Variants in KLHDC10 observed in about 807,000 individuals in gnomAD.
KLHDC10 encodes the protein kelch domain containing 10.
KLHDC10 carries 24 observed loss-of-function variants against 56.1 expected under a neutral mutation model. That is an observed-to-expected ratio of 0.43 (90% CI 0.31 to 0.60). KLHDC10 has a LOEUF of 0.60. Among genes scored for constraint, KLHDC10 ranks in the 20% least tolerant of loss-of-function variants. The pLI is 0.11. For missense variants in KLHDC10, 349 were observed against 567.0 expected (o/e 0.62, Z 3.91); for synonymous variants, 188 against 207.1 (o/e 0.91, Z 0.79).
chr7:130,079,721 TCCTG>T (rs757614715), intron 1 of KLHDC10, among the ~76,000 whole-genome samples: 49 of 92,896 alleles, frequency 5.3e-4, no homozygotes, highest in Non-Finnish European at 9.4e-4. Flanking sequence ...CTGCCTGCCT[TCCTG>T]CCTTCCTTCC....
At chr7:130,123,663 A>C (rs1584639428) in intron 5 of KLHDC10, among the ~76,000 whole-genome samples, 3 of 152,336 alleles carry the variant, frequency 2.0e-5, no homozygotes, top group Admixed American at 2.0e-4. Context: ...GTAGACTGTT[A>C]GTGGACTGAT....
At chr7:130,079,929 G>A (rs1165631617) in intron 1 of KLHDC10, among the ~76,000 whole-genome samples, 2 of 49,178 alleles carry the variant, frequency 4.1e-5, no homozygotes, top group African/African-American at 2.3e-4. Flanking sequence ...TCCCTTTCTC[G>A]CTTCCTCCTT....
chr7:130,103,716 G>T (rs923615839), intron 2 of KLHDC10, among the ~76,000 whole-genome samples: 1 of 152,138 alleles, frequency 6.6e-6, no homozygotes, highest in East Asian at 1.9e-4. Flanking sequence ...ATGTTTAAGT[G>T]GGGGGGTCAA....
chr7:130,087,853 C>T (rs1004474963), intron 1 of KLHDC10, among the ~76,000 whole-genome samples: 17 of 151,526 alleles, frequency 1.1e-4, no homozygotes, highest in South Asian at 1.0e-3. Context: ...CTCCACCTCC[C>T]GGGTTCAAGC....
At chr7:130,124,678 C>CT (rs1796291836) in intron 6 of KLHDC10, 143 bp downstream of exon 6, 1 of 556,554 alleles carries the variant, frequency 1.8e-6, no homozygotes. Flanking sequence ...GTTGGATGCA[C>CT]TTTATAAGGT....
intron 2 of KLHDC10, among the ~76,000 whole-genome samples, chr7:130,109,482 A>C (rs961133027): frequency 1.3e-5 from 2 of 152,106 alleles, no homozygotes; most frequent in African/African-American, 2.4e-5. Context: ...TGAAAAACAG[A>C]CATTCTCTTC....
intron 1 of KLHDC10, among the ~76,000 whole-genome samples, chr7:130,071,869 AATT>A (rs1271625416): frequency 5.3e-5 from 8 of 152,200 alleles, no homozygotes; most frequent in African/African-American, 7.2e-5. Context: ...TCTAGTCAAA[AATT>A]ATTATTTGAT....
At chr7:130,088,387 G>C (rs1489647287) in intron 1 of KLHDC10, among the ~76,000 whole-genome samples, 1 of 151,484 alleles carries the variant, frequency 6.6e-6, no homozygotes, top group Admixed American at 6.6e-5. Context: ...CAATTCTCCT[G>C]CCTCAGCCTC....
chr7:130,071,903 G>C (rs1372052117), intron 1 of KLHDC10, among the ~76,000 whole-genome samples: 1 of 152,116 alleles, frequency 6.6e-6, no homozygotes, highest in Admixed American at 6.6e-5. Flanking sequence ...ATGACAAAGG[G>C]AATTTAGCAC....
At chr7:130,113,555 A>C (rs1385677019) in intron 2 of KLHDC10, among the ~76,000 whole-genome samples, 2 of 152,068 alleles carry the variant, frequency 1.3e-5, no homozygotes, top group Admixed American at 6.6e-5. Flanking sequence ...CTGGTCTCAA[A>C]ATCCTGACCT....
At chr7:130,095,025 T>C (rs1402897863) in intron 1 of KLHDC10, 1 of 152,104 alleles carries the variant, frequency 6.6e-6, no homozygotes, top group Non-Finnish European at 1.5e-5. Flanking sequence ...TTGTTTTGTG[T>C]GTCTGTCTTG....
Position 130,110,729 on chromosome 7 carries a change from A to G in KLHDC10, c.254-5716A>G, listed in dbSNP as rs79775010. On this transcript the variant is annotated intron_variant, in intron 2 of 9. Transcript: ENST00000335420. ...CATTTGGAAAGAAGTAACCAGTTAA[A>G]TTGATTAATCATTTAGGCTGTTCGA... Among the ~76,000 whole-genome samples, 5 of 152,334 alleles carry G rather than the reference A, an allele frequency of 3.3e-5. No homozygotes were observed. The East Asian group carries it at 9.6e-4, about 29-fold the overall frequency.
chr7:130,124,567 G>A, intron 6 of KLHDC10, 32 bp downstream of exon 6: 2 of 1,147,980 alleles, frequency 1.7e-6, no homozygotes, highest in South Asian at 1.3e-5. Context: ...AAAAGGGAGA[G>A]GGAGAAGGAT....
intron 2 of KLHDC10, among the ~76,000 whole-genome samples, chr7:130,107,843 C>A (rs75124949): frequency 2.9e-3 from 76 of 26,016 alleles, no homozygotes; most frequent in East Asian, 0.02. Flanking sequence ...GACTCCGTCT[C>A]AAAAAAAAAA....
chr7:130,119,178 C>G (rs975896247), intron 3 of KLHDC10, among the ~76,000 whole-genome samples: 2 of 149,202 alleles, frequency 1.3e-5, no homozygotes, highest in African/African-American at 5.0e-5. Flanking sequence ...CACTGCACTC[C>G]AGCTAGGCAA....
chr7:130,133,167 T>C lies in KLHDC10; in HGVS notation c.*2421T>C. 6.6e-6 allele frequency: 1 copy of C among 152,274 alleles called. No homozygotes were observed. The highest frequency in any genetic ancestry group is 1.9e-4 in the East Asian group (1 of 5,198). The allele number at this position is 152,274 out of a possible 1,614,324, so 9.4% of individuals were successfully genotyped here. A position where few individuals can be genotyped will look rare whatever the true frequency, so the allele number is the denominator to read the frequency against. ...TGAGTGCTATAGAACCACACATGTG[T>C]ACATGTTCTGGATGCCAAATGAGAC... On this transcript the variant is annotated 3_prime_UTR_variant, in exon 10 of 10. Coordinates refer to ENST00000335420, the MANE Select transcript of KLHDC10 (RefSeq NM_014997.4).
chr7:130,077,448 T>A (rs1795526803), intron 1 of KLHDC10, among the ~76,000 whole-genome samples: 1 of 150,238 alleles, frequency 6.7e-6, no homozygotes, highest in South Asian at 2.1e-4. Context: ...AGTTGTTTAT[T>A]TTTTTATATA....
intron 2 of KLHDC10, among the ~76,000 whole-genome samples, chr7:130,101,859 A>G (rs1174121718): frequency 6.6e-6 from 1 of 151,148 alleles, no homozygotes; most frequent in Non-Finnish European, 1.5e-5. Flanking sequence ...AGTCCCAGCT[A>G]CTTGGGAGGC....
Position 130,120,608 on chromosome 7 carries a change from A to G in KLHDC10, c.476-141A>G. The stretch of plus-strand genomic sequence containing the variant: ...ATTTTCAGATTTGGCACGCTCAGCT[A>G]CTAGTTAGATGTCAGTGGTTTGAGC... On this transcript the variant is annotated intron_variant, in intron 3 of 9. Transcript: ENST00000335420. This position sits in a 1 kb window ranked among gnomAD's most constrained non-coding sequence, Gnocchi z 5.1. 2 of 783,526 alleles carry G rather than the reference A, an allele frequency of 2.6e-6. No homozygotes were observed. The highest frequency in any genetic ancestry group is 2.0e-5 in the South Asian group (1 of 48,832). The allele number at this position is 783,526 out of a possible 1,614,324, so 48.5% of individuals were successfully genotyped here. A position where few individuals can be genotyped will look rare whatever the true frequency, so the allele number is the denominator to read the frequency against.
Sources: allele counts gnomAD v4.1 joint callset (sites outside exome capture counted in the v4.1 genomes callset), GRCh38; gene constraint gnomAD v4.1.1; non-coding constraint Gnocchi (gnomAD v3.1); transcripts MANE v1.5; gene names NCBI Gene and HGNC (gene_info 2026-07-23, HGNC 2026-07-21).